Variants in CASP9 observed in about 807,000 individuals in gnomAD.
The protein encoded by CASP9 is caspase 9.
In CASP9, 29 loss-of-function variants were observed where a neutral mutation model predicts 43.5. That is an observed-to-expected ratio of 0.67 (90% CI 0.50 to 0.91). The LOEUF (loss-of-function observed/expected upper bound fraction) is 0.91, where lower values mean the gene tolerates loss of function less well. Ranked by LOEUF, CASP9 falls within the 40% of genes least tolerant of loss-of-function variation. The pLI is 0.00. For synonymous variants in CASP9, 206 were observed against 211.9 expected, an observed-to-expected ratio of 0.97 and a Z score of 0.24; for missense variants, 575 against 537.4, an observed-to-expected ratio of 1.07 and a Z score of -0.69.
At chr1:15,507,435 T>C (rs1445697826) in intron 3 of CASP9, among the ~76,000 whole-genome samples, 2 of 152,190 alleles carry the variant, frequency 1.3e-5, no homozygotes, top group African/African-American at 4.8e-5. Flanking sequence ...CTCAGTCCCC[T>C]TGTAATTCTC....
At chr1:15,518,416 G>C in intron 1 of CASP9, 21 bp from the exon 2 acceptor site, 1 of 1,603,682 alleles carries the variant, frequency 6.2e-7, no homozygotes, top group Non-Finnish European at 8.5e-7. Context: ...AGAAAGGCAG[G>C]ATACTAATTA....
At chr1:15,500,126 A>AT (rs4646081) in intron 6 of CASP9, among the ~76,000 whole-genome samples, 41,522 of 151,362 alleles carry the variant, frequency 0.27, 6,494 homozygotes, top group African/African-American at 0.42. Flanking sequence ...TTGGTTAAAA[A>AT]ATATAAATAT....
intron 2 of CASP9, among the ~76,000 whole-genome samples, chr1:15,511,241 A>G (rs1311141783): frequency 6.6e-6 from 1 of 152,130 alleles, no homozygotes; most frequent in East Asian, 1.9e-4. Context: ...GTGATAACCT[A>G]GATACCTTTT....
Position 15,491,763 on chromosome 1 carries a change from A to C in CASP9, c.*1180T>G, listed in dbSNP as rs982596948. On this transcript the variant is annotated 3_prime_UTR_variant, in exon 9 of 9. Coordinates refer to ENST00000333868, the MANE Select transcript of CASP9 (RefSeq NM_001229.5). ...ACAGAGTGAGACCCTATCTCCAAAA[A>C]AAAAGGCCCAAAAAACAAGAAATAG... 1 of 171,598 alleles carries C rather than the reference A, an allele frequency of 5.8e-6. No homozygotes were observed. The highest frequency in any genetic ancestry group is 5.6e-5 in the Admixed American group (1 of 17,966). The allele number at this position is 171,598 out of a possible 1,614,324, so 10.6% of individuals were successfully genotyped here. A position where few individuals can be genotyped will look rare whatever the true frequency, so the allele number is the denominator to read the frequency against.
rs34494163 is a variant in CASP9 at position 15,521,269 on chromosome 1, C to CA, written c.132+2799dup. On this transcript the variant is annotated intron_variant, in intron 1 of 8. Transcript: ENST00000333868. ...TGGGCGAAAAAGTGGGACACCACCT[C>CA]AAAAAAAAAAAAAAAAGAAAGGGAG... Among the ~76,000 whole-genome samples the CA allele has an allele frequency of 1.2e-3, 148 of 124,872 alleles. 1 individual carries two copies. Among genetic ancestry groups the CA allele is most frequent in the East Asian group, 1.7e-3 (8 of 4,612 alleles). The allele number at this position is 124,872 out of a possible 152,430, so 81.9% of individuals were successfully genotyped here.
intron 8 of CASP9, chr1:15,493,348 T>C: frequency 8.0e-7 from 1 of 1,252,040 alleles, no homozygotes; most frequent in Admixed American, 3.9e-5. Flanking sequence ...CCATACATGC[T>C]GCCTCCCAAG....
chr1:15,516,876 C>T (rs1282013087), intron 2 of CASP9, among the ~76,000 whole-genome samples: 3 of 152,218 alleles, frequency 2.0e-5, no homozygotes, highest in African/African-American at 7.2e-5. Flanking sequence ...GCCCGGGCTG[C>T]AGCCCTGTCT....
chr1:15,496,897 C>T (rs1263360603), intron 6 of CASP9, among the ~76,000 whole-genome samples: 1 of 151,204 alleles, frequency 6.6e-6, no homozygotes, highest in Non-Finnish European at 1.5e-5. Context: ...TGCCTGTGGT[C>T]CCAGCTACTC....
At chr1:15,507,225 G>T in intron 3 of CASP9, 150 bp from the exon 4 acceptor site, 2 of 759,248 alleles carry the variant, frequency 2.6e-6, no homozygotes, top group Non-Finnish European at 2.1e-6. Context: ...AGAAGCAACT[G>T]CAGGGAAGAC....
chr1:15,515,651 G>C (rs368029128), intron 2 of CASP9, among the ~76,000 whole-genome samples: 2 of 152,300 alleles, frequency 1.3e-5, no homozygotes. Flanking sequence ...AATTTTTGTT[G>C]AAAGAAAACA....
At position 15,493,894 on chromosome 1, in the gene CASP9, T is replaced by G. The variant is rs1445011247; in HGVS notation, c.1156A>C (p.Arg386=). The part of the protein sequence containing the change: ...HSEDLQSLLL[R]VANAVSVKGI... ...TTGCAGAGGAAGGCAGCACTCACCC[T>G]AAGCAGGAGGGACTGCAGGTCTTCA... The change falls in exon 8 of 9, where the codon AGG becomes CGG. Residue 386 remains arginine, a splice_region_variant and synonymous_variant. Transcript: ENST00000333868. 1.3e-6 allele frequency: 2 copies of G among 1,591,292 alleles called. No individual in the cohort carries two copies. The highest frequency in any genetic ancestry group is 1.7e-6 in the Non-Finnish European group (2 of 1,167,674).
At chr1:15,495,560 A>G (rs1190107248) in intron 6 of CASP9, 108 bp from the exon 7 acceptor site, 3 of 1,039,474 alleles carry the variant, frequency 2.9e-6, no homozygotes, top group African/African-American at 3.4e-5. Flanking sequence ...TGAAAGGAAA[A>G]TAAATCTTGG....
At chr1:15,511,348 C>T (rs1227769998) in intron 2 of CASP9, among the ~76,000 whole-genome samples, 1 of 151,968 alleles carries the variant, frequency 6.6e-6, no homozygotes, top group Non-Finnish European at 1.5e-5. Context: ...GCCTGCTGGG[C>T]TCAAGTGACC....
At chr1:15,493,559 G>A in intron 8 of CASP9, 11 of 1,417,408 alleles carry the variant, frequency 7.8e-6, no homozygotes, top group Admixed American at 2.9e-5. Context: ...GATATAGGGA[G>A]GGGCCCATGA....
At chr1:15,517,165 C>A (rs777417722) in intron 2 of CASP9, among the ~76,000 whole-genome samples, 2 of 152,132 alleles carry the variant, frequency 1.3e-5, no homozygotes, top group African/African-American at 4.8e-5. Context: ...AAAGCCCCAA[C>A]TGAAAACAAC....
intron 2 of CASP9, among the ~76,000 whole-genome samples, chr1:15,509,389 C>T (rs931395973): frequency 4.1e-5 from 6 of 146,418 alleles, no homozygotes; most frequent in African/African-American, 1.5e-4. Context: ...CTTTGGGAGG[C>T]AGATCACCTG....
Position 15,518,404 on chromosome 1 carries a change from A to T in CASP9, c.133-9T>A. The T allele has an allele frequency of 1.2e-6, 2 of 1,606,556 alleles. No homozygotes were observed. Among genetic ancestry groups the T allele is most frequent in the South Asian group, 2.2e-5 (2 of 90,970 alleles). On this transcript the variant is annotated splice_polypyrimidine_tract_variant and intron_variant, in intron 1 of 8. Coordinates refer to ENST00000333868, the MANE Select transcript of CASP9 (RefSeq NM_001229.5). Reference sequence around the variant, plus strand: ...GATCCAGAGCCTGCCCGCTGTTTGGAAAGAAAGGCAGGATACTAATTATCC... The same window carrying T: ...GATCCAGAGCCTGCCCGCTGTTTGGTAAGAAAGGCAGGATACTAATTATCC...
intron 5 of CASP9, among the ~76,000 whole-genome samples, chr1:15,505,768 G>C (rs1190957640): frequency 6.6e-6 from 1 of 152,196 alleles, no homozygotes; most frequent in Non-Finnish European, 1.5e-5. Context: ...CCCTCTCCCA[G>C]AGGGCTTCTC....
intron 1 of CASP9, among the ~76,000 whole-genome samples, chr1:15,518,687 C>A (rs900531950): frequency 6.6e-5 from 10 of 152,180 alleles, no homozygotes; most frequent in Non-Finnish European, 8.8e-5. Context: ...AGCAATGACA[C>A]AACAAGAGAC....
Sources: gnomAD v4.1 joint callset for allele counts (sites outside exome capture counted in the v4.1 genomes callset) on GRCh38, gnomAD v4.1.1 for gene constraint, MANE v1.5 for transcripts, NCBI Gene and HGNC (gene_info 2026-07-23, HGNC 2026-07-21) for gene names.